The following CCDC88C variants were observed in gnomAD, a reference collection of about 807,000 sequenced individuals.
CCDC88C encodes the protein coiled-coil and HOOK domain protein 88C.
A neutral mutation model predicts 198.8 loss-of-function variants in CCDC88C; 131 were observed. That is an observed-to-expected ratio of 0.66 (90% CI 0.57 to 0.76). The LOEUF (loss-of-function observed/expected upper bound fraction) is 0.76, where lower values mean the gene tolerates loss of function less well. Among genes scored for constraint, CCDC88C ranks in the 30% least tolerant of loss-of-function variants. The pLI is 0.00. For missense variants in CCDC88C, 2,553 were observed against 2,631.6 expected (o/e 0.97, Z 0.65); for synonymous variants, 1,166 against 1,114.7 (o/e 1.05, Z -0.92).
At chr14:91,360,832 G>A (rs947659760) in intron 3 of CCDC88C, among the ~76,000 whole-genome samples, 2 of 152,160 alleles carry the variant, frequency 1.3e-5, no homozygotes, top group African/African-American at 4.8e-5. Context: ...GATGCAGGAC[G>A]TTGTTCACAA....
At chr14:91,363,466 C>T (rs1935128913) in intron 3 of CCDC88C, among the ~76,000 whole-genome samples, 2 of 151,826 alleles carry the variant, frequency 1.3e-5, no homozygotes, top group Admixed American at 6.6e-5. Flanking sequence ...ACTTACAGCA[C>T]ATCCCAATTC....
intron 10 of CCDC88C, among the ~76,000 whole-genome samples, chr14:91,331,417 G>C (rs1481648879): frequency 6.6e-6 from 1 of 152,206 alleles, no homozygotes; most frequent in African/African-American, 2.4e-5. Context: ...AGAGGAGCTG[G>C]GGCCCTGTCT....
rs771345343 is a variant in CCDC88C, at chr14:91,303,790, C to T, written c.3546G>A (p.Ser1182=). Residue 1182 remains serine (S), a synonymous_variant, in exon 20 of 30, where the codon TCG becomes TCA. Coordinates refer to ENST00000389857, the MANE Select transcript of CCDC88C (RefSeq NM_001080414.4). The part of the protein sequence containing the change: ...EHLGTLHERQ[S]AEYEALIRQH... ...GGCGGATGAGGGCCTCGTACTCGGC[C>T]GATTGCCGCTCGTGCAGCGTGCCCA... 1.2e-6 allele frequency: 2 copies of T among 1,613,536 alleles called. No individual in the cohort carries two copies. Among genetic ancestry groups the T allele is most frequent in the South Asian group, 2.2e-5 (2 of 91,082 alleles).
intron 3 of CCDC88C, among the ~76,000 whole-genome samples, chr14:91,366,235 C>T (rs1158459588): frequency 6.6e-6 from 1 of 151,372 alleles, no homozygotes; most frequent in African/African-American, 2.4e-5. Context: ...CCTGTAATCC[C>T]AGCACTTTGG....
At chr14:91,291,409 G>A (rs952760184) in intron 23 of CCDC88C, among the ~76,000 whole-genome samples, 1 of 152,196 alleles carries the variant, frequency 6.6e-6, no homozygotes, top group Non-Finnish European at 1.5e-5. Context: ...TGTTCAAGAC[G>A]TGAGATGCTC....
chr14:91,358,651 T>C (rs1894150962), intron 4 of CCDC88C, among the ~76,000 whole-genome samples: 1 of 152,164 alleles, frequency 6.6e-6, no homozygotes, highest in Non-Finnish European at 1.5e-5. Flanking sequence ...CAGGAGGACA[T>C]TTAATTTGGT....
chr14:91,386,696 C>T (rs531598731), intron 3 of CCDC88C, among the ~76,000 whole-genome samples: 1 of 152,296 alleles, frequency 6.6e-6, no homozygotes, highest in Non-Finnish European at 1.5e-5. Context: ...TGGCCGAGCC[C>T]AGTGTTGGAC....
intron 10 of CCDC88C, among the ~76,000 whole-genome samples, chr14:91,335,471 C>G (rs1288643341): frequency 6.6e-6 from 1 of 152,056 alleles, no homozygotes; most frequent in South Asian, 2.1e-4. Flanking sequence ...CTCTGCCTGG[C>G]TCTCCCTGCT....
chr14:91,384,411 C>T, intron 3 of CCDC88C: 1 of 514,370 alleles, frequency 1.9e-6, no homozygotes, highest in Non-Finnish European at 3.9e-6. Flanking sequence ...GAAGGTAGAC[C>T]ATCCTGCTTC....
intron 3 of CCDC88C, among the ~76,000 whole-genome samples, chr14:91,407,544 C>T (rs1408905848): frequency 4.6e-5 from 7 of 152,124 alleles, no homozygotes; most frequent in Non-Finnish European, 8.8e-5. Context: ...TCTGGAGTCC[C>T]GGGAACCCAG....
At chr14:91,332,597 C>T (rs1013113195) in intron 10 of CCDC88C, among the ~76,000 whole-genome samples, 1 of 152,292 alleles carries the variant, frequency 6.6e-6, no homozygotes, top group South Asian at 2.1e-4. Flanking sequence ...ACGGGTTAGA[C>T]GGGGCAGCCT....
At chr14:91,343,541 A>G in intron 5 of CCDC88C, 58 bp downstream of exon 5, 1 of 1,607,802 alleles carries the variant, frequency 6.2e-7, no homozygotes, top group Admixed American at 1.7e-5. Flanking sequence ...AAGTCCCGCA[A>G]ACCCAATATG....
chr14:91,411,396 T>G (rs1200216391), intron 2 of CCDC88C, among the ~76,000 whole-genome samples: 1 of 152,204 alleles, frequency 6.6e-6, no homozygotes, highest in Non-Finnish European at 1.5e-5. Context: ...AGCCTACATC[T>G]GCAGTAGCAA....
At chr14:91,406,691 C>G (rs1886501793) in intron 3 of CCDC88C, among the ~76,000 whole-genome samples, 1 of 152,264 alleles carries the variant, frequency 6.6e-6, no homozygotes, top group Admixed American at 6.5e-5. Context: ...GGCCCATGCC[C>G]TGCGTATCTG....
chr14:91,278,264 G>A, intron 28 of CCDC88C, 53 bp from the exon 29 acceptor site: 1 of 1,520,440 alleles, frequency 6.6e-7, no homozygotes, highest in Non-Finnish European at 8.9e-7. Context: ...GCAGCCCTCT[G>A]GTGGCTTCTA....
chr14:91,355,611 G>T (rs986992046), intron 4 of CCDC88C, among the ~76,000 whole-genome samples: 2 of 152,198 alleles, frequency 1.3e-5, no homozygotes, highest in Admixed American at 6.5e-5. Flanking sequence ...TTTGGGCCGG[G>T]ACGGGCAGAT....
chr14:91,338,224 G>A lies in CCDC88C; in HGVS notation c.892-61C>T, dbSNP rs1297487667. 3 of 1,581,106 alleles carry A rather than the reference G, an allele frequency of 1.9e-6. No homozygotes were observed. The highest frequency in any genetic ancestry group is 2.6e-6 in the Non-Finnish European group (3 of 1,157,834). On this transcript the variant is annotated intron_variant, in intron 9 of 29. Transcript: ENST00000389857. The surrounding 1 kb of genome is among the most constrained non-coding windows in gnomAD (Gnocchi z 4.8). ...GGGCATCCTCTAGGAAGGGCAGAAA[G>A]GCCATTGCCCTTCTGCATGGTGTCT...
rs1312518874 is a variant in CCDC88C, at chr14:91,338,843, A to G, written c.810-273T>C. ...GGGCAGGTAAGGAGACCCCAGCGGCAGCTGTACCACCCCACAGCCAGGCTC... is the reference window on the plus strand; with the variant it reads ...GGGCAGGTAAGGAGACCCCAGCGGCGGCTGTACCACCCCACAGCCAGGCTC... On this transcript the variant is annotated intron_variant, in intron 8 of 29. Transcript: ENST00000389857. This position sits in a 1 kb window ranked among gnomAD's most constrained non-coding sequence, Gnocchi z 4.8. 2.0e-6 allele frequency: 1 copy of G among 507,012 alleles called. No individual in the cohort carries two copies. Among genetic ancestry groups the G allele is most frequent in the African/African-American group, 1.9e-5 (1 of 51,774 alleles). 31.4% of individuals were successfully genotyped at this position (507,012 alleles called of 1,614,324 possible).
At chr14:91,309,737 C>G in intron 16 of CCDC88C, 122 bp downstream of exon 16, 1 of 1,008,688 alleles carries the variant, frequency 9.9e-7, no homozygotes, top group Non-Finnish European at 1.3e-6. Flanking sequence ...CAAGGAACCG[C>G]GTGAGGTCAC....
Sources: gnomAD v4.1 joint callset for allele counts (sites outside exome capture counted in the v4.1 genomes callset) on GRCh38, gnomAD v4.1.1 for gene constraint, Gnocchi (gnomAD v3.1) non-coding constraint, MANE v1.5 for transcripts, NCBI Gene and HGNC (gene_info 2026-07-23, HGNC 2026-07-21) for gene names.